CBR4: variants seen among roughly 807,000 people sequenced by gnomAD.
CBR4 encodes carbonyl reductase 4.
A neutral mutation model predicts 21.0 loss-of-function variants in CBR4; 22 were observed. The observed-to-expected ratio is 1.05, with a 90% CI of 0.75 to 1.50. The LOEUF (loss-of-function observed/expected upper bound fraction) is 1.50, where lower values mean the gene tolerates loss of function less well. Ranked by LOEUF, CBR4 falls within the 40% of genes most tolerant of loss-of-function variation. The pLI is 0.00. For synonymous variants in CBR4, 100 were observed against 104.4 expected (o/e 0.96, Z 0.26); for missense variants, 302 against 286.3 (o/e 1.05, Z -0.40).
chr4:168,969,346 T>C (rs1359620446), intron 2 of CBR4, among the ~76,000 whole-genome samples: 1 of 152,208 alleles, frequency 6.6e-6, no homozygotes, highest in Non-Finnish European at 1.5e-5. Flanking sequence ...GTAAACAGAA[T>C]GATCCCCCTA....
intron 2 of CBR4, among the ~76,000 whole-genome samples, chr4:168,935,629 T>TA (rs1007014068): frequency 1.3e-5 from 2 of 151,862 alleles, no homozygotes; most frequent in South Asian, 2.1e-4. Context: ...CCTCACGGTA[T>TA]AAAAAAAAGC....
intron 4 of CBR4, among the ~76,000 whole-genome samples, chr4:168,998,710 T>C (rs1461767840): frequency 6.6e-6 from 1 of 152,160 alleles, no homozygotes; most frequent in Non-Finnish European, 1.5e-5. Flanking sequence ...ACAAAGCTGT[T>C]ATTTAAAAAA....
At chr4:168,958,517 C>T (rs1484329046) in intron 2 of CBR4, among the ~76,000 whole-genome samples, 3 of 152,142 alleles carry the variant, frequency 2.0e-5, no homozygotes. Context: ...AATAAAACTG[C>T]TATGAACAAT....
chr4:168,966,807 A>C (rs571940013), intron 2 of CBR4, among the ~76,000 whole-genome samples: 1 of 152,252 alleles, frequency 6.6e-6, no homozygotes, highest in South Asian at 2.1e-4. Flanking sequence ...TCACAAGGTC[A>C]GGAGATCAAG....
chr4:168,999,000 AT>A (rs951259458), intron 4 of CBR4, among the ~76,000 whole-genome samples: 7 of 152,116 alleles, frequency 4.6e-5, no homozygotes, highest in Admixed American at 1.3e-4. Context: ...CAAAACACAT[AT>A]TTTTTAAGGT....
chr4:169,007,867 T>A, intron 1 of CBR4, 111 bp from the exon 2 acceptor site: 1 of 683,234 alleles, frequency 1.5e-6, no homozygotes. Context: ...ATCTAGAACC[T>A]AAAGATTAAA....
At chr4:168,898,762 G>C in intron 2 of CBR4, 1 of 1,257,168 alleles carries the variant, frequency 8.0e-7, no homozygotes, top group Non-Finnish European at 1.2e-6. Context: ...CTGAGGAAAG[G>C]TTTAGCTTCC....
At chr4:168,952,776 G>T (rs962098246) in intron 2 of CBR4, among the ~76,000 whole-genome samples, 1 of 152,154 alleles carries the variant, frequency 6.6e-6, no homozygotes, top group Admixed American at 6.5e-5. Context: ...ACTGTCTATG[G>T]GTCTCTCAGC....
In CBR4 at chr4:168,987,715, G is replaced by T; in HGVS notation, c.*2435C>A. The T allele has an allele frequency of 1.0e-6, 1 of 984,246 alleles. No individual in the cohort carries two copies. The highest frequency in any genetic ancestry group is 1.2e-6 in the Non-Finnish European group (1 of 828,994). 61.0% of individuals were successfully genotyped at this position (984,246 alleles called of 1,614,324 possible). A position where few individuals can be genotyped will look rare whatever the true frequency, so the allele number is the denominator to read the frequency against. Reference sequence around the variant, plus strand: ...GAAAAAATGTTTCACCAATGTTAAGGTACAACTCTTGAATATGCAGCGTAG... The same window carrying T: ...GAAAAAATGTTTCACCAATGTTAAGTTACAACTCTTGAATATGCAGCGTAG... On this transcript the variant is annotated 3_prime_UTR_variant, in exon 5 of 5. Transcript: ENST00000306193.
chr4:168,973,028 G>C (rs1764258164), intron 2 of CBR4, among the ~76,000 whole-genome samples: 1 of 152,130 alleles, frequency 6.6e-6, no homozygotes, highest in Non-Finnish European at 1.5e-5. Context: ...CATCTATTGG[G>C]ATGATCATTA....
At chr4:169,006,972 TGA>T in intron 2 of CBR4, 81 bp from the exon 3 acceptor site, 1 of 1,120,140 alleles carries the variant, frequency 8.9e-7, no homozygotes, top group Non-Finnish European at 1.3e-6. Context: ...ACATTTTTAC[TGA>T]GAGTGCAAGA....
At position 168,916,142 on chromosome 4, in the gene CBR4, G is replaced by GGC; in HGVS notation, n.170-21378_170-21377insGC. ...AAGTATAAAATGAGAGCTGGGCACA[G>GGC]TGGCTCACACCTATAATCCCAGCAC... On this transcript the variant is annotated intron_variant and non_coding_transcript_variant, in intron 2 of 3. Coordinates refer to the CBR4 transcript ENST00000509108. The GGC allele has an allele frequency of 3.9e-6, 4 of 1,025,234 alleles. No individual in the cohort carries two copies. The Admixed American group carries it at 6.8e-5, about 17-fold the overall frequency. The allele number at this position is 1,025,234 out of a possible 1,614,324, so 63.5% of individuals were successfully genotyped here.
intron 2 of CBR4, chr4:168,921,426 A>AAG (rs1761486276): frequency 1.5e-6 from 1 of 648,158 alleles, no homozygotes; most frequent in Non-Finnish European, 2.6e-6. Context: ...AAAAAAAAAA[A>AAG]GCCACCTCTT....
chr4:169,008,407 A>T (rs2126880024), intron 1 of CBR4, among the ~76,000 whole-genome samples: 1 of 152,330 alleles, frequency 6.6e-6, no homozygotes, highest in East Asian at 1.9e-4. Flanking sequence ...ACTTCAAAGG[A>T]AAACAAAGCA....
rs116175676 is a variant in CBR4 at position 168,981,744 on chromosome 4, T to G, written n.169+20327A>C. Among the ~76,000 whole-genome samples, 327 of 152,198 alleles carry G rather than the reference T, an allele frequency of 2.1e-3. 2 individuals are homozygous for G. The highest frequency in any genetic ancestry group is 3.8e-3 in the Non-Finnish European group (259 of 68,016). ...CAGAAACACTACAAGCCAGAAGAGA[T>G]TTGGGGCTTATATTCAGCATCCTTA... On this transcript the variant is annotated intron_variant and non_coding_transcript_variant, in intron 2 of 3. Coordinates refer to the CBR4 transcript ENST00000509108.
At chr4:168,996,860 G>T (rs1029438933) in intron 4 of CBR4, among the ~76,000 whole-genome samples, 2 of 152,112 alleles carry the variant, frequency 1.3e-5, no homozygotes, top group African/African-American at 4.8e-5. Flanking sequence ...TATGAACCAC[G>T]TGATCTTCAT....
chr4:168,895,711 C>T (rs1019503723), intron 2 of CBR4, among the ~76,000 whole-genome samples: 1 of 152,046 alleles, frequency 6.6e-6, no homozygotes, highest in African/African-American at 2.4e-5. Flanking sequence ...GTTGCAGAAG[C>T]GGAAGAAAAT....
downstream of CBR4, among the ~76,000 whole-genome samples, chr4:168,986,404 C>T (rs947241488): frequency 7.2e-5 from 11 of 152,074 alleles, no homozygotes; most frequent in African/African-American, 2.4e-4. Context: ...GGTCAAATTC[C>T]CCTAATTATT....
At chr4:168,925,257 C>T in intron 2 of CBR4, 1 of 1,608,218 alleles carries the variant, frequency 6.2e-7, no homozygotes, top group East Asian at 2.2e-5. Context: ...TAGTGAACCA[C>T]ACCAGGAGAA....
Sources: allele counts gnomAD v4.1 joint callset (sites outside exome capture counted in the v4.1 genomes callset), GRCh38; gene constraint gnomAD v4.1.1; transcripts MANE v1.5; gene names NCBI Gene and HGNC (gene_info 2026-07-23, HGNC 2026-07-21).